Variants in ATP7B observed in about 807,000 individuals in gnomAD.
ATP7B encodes the protein copper-transporting ATPase 2.
A neutral mutation model predicts 118.9 loss-of-function variants in ATP7B; 113 were observed. The ratio of observed to expected loss-of-function variants is 0.95; its 90% confidence interval spans 0.82 to 1.11. The LOEUF (loss-of-function observed/expected upper bound fraction) is 1.11, where lower values mean the gene tolerates loss of function less well. Ranked by LOEUF, ATP7B falls within the 50% of genes most tolerant of loss-of-function variation. The pLI is 0.00. For synonymous variants in ATP7B, 777 were observed against 727.4 expected (o/e 1.07, Z -1.10); for missense variants, 1,867 against 1,871.4 (o/e 1.00, Z 0.04).
intron 12 of ATP7B, among the ~76,000 whole-genome samples, chr13:51,948,645 C>A (rs1027241302): frequency 1.3e-5 from 2 of 152,044 alleles, no homozygotes; most frequent in African/African-American, 4.8e-5. Flanking sequence ...TTAGCAGCAT[C>A]CCCCCAGTCA....
intron 1 of ATP7B, among the ~76,000 whole-genome samples, chr13:51,992,228 G>A (rs182804231): frequency 6.6e-6 from 1 of 152,090 alleles, no homozygotes; most frequent in Non-Finnish European, 1.5e-5. Context: ...CGGCCTTTCT[G>A]AACAACGTGC....
At position 51,968,465 on chromosome 13, in the gene ATP7B, G is replaced by A. The variant is rs138962570; in HGVS notation, c.1686C>T (p.Ser562=). Residue 562 remains serine (S), a synonymous_variant, in exon 4 of 21, where the codon TCC becomes TCT. Transcript: ENST00000242839. The stretch of plus-strand genomic sequence containing the variant: ...TTACTGTCAGCTCAATGTTGCCATC[G>A]GAGCCTGCGTAGTCCTCCATGACTG... ...EAAVMEDYAG[S]DGNIELTITG... The A allele has an allele frequency of 3.6e-5, 58 of 1,614,114 alleles. No homozygotes were observed. The Middle Eastern group carries it at 4.9e-4, about 14-fold the overall frequency.
chr13:51,960,556 C>T (rs1268954230), intron 6 of ATP7B, among the ~76,000 whole-genome samples: 1 of 152,166 alleles, frequency 6.6e-6, no homozygotes, highest in African/African-American at 2.4e-5. Context: ...TGAGGCCCAG[C>T]CCCTGCCTTC....
At chr13:51,975,191 T>A in intron 1 of ATP7B, 23 bp from the exon 2 acceptor site, 1 of 1,613,544 alleles carries the variant, frequency 6.2e-7, no homozygotes, top group Non-Finnish European at 8.5e-7. Context: ...GAAATAACAT[T>A]TTTTAACCTT....
At chr13:51,962,059 C>A (rs1468787043) in intron 5 of ATP7B, 146 bp from the exon 6 acceptor site, 11 of 669,322 alleles carry the variant, frequency 1.6e-5, no homozygotes, top group Non-Finnish European at 2.9e-5. Flanking sequence ...CTGCTTACAA[C>A]TTCTTTACCC....
intron 1 of ATP7B, among the ~76,000 whole-genome samples, chr13:51,992,281 T>C (rs1457285008): frequency 6.6e-6 from 1 of 152,232 alleles, no homozygotes; most frequent in Non-Finnish European, 1.5e-5. Context: ...TTAGCAGTTT[T>C]CCAATACTTT....
chr13:51,934,593 C>G lies in ATP7B; in HGVS notation c.*163G>C. On this transcript the variant is annotated 3_prime_UTR_variant, in exon 21 of 21. Coordinates refer to ENST00000242839, the MANE Select transcript of ATP7B (RefSeq NM_000053.4). The stretch of plus-strand genomic sequence containing the variant: ...CCTCTCCAGGCCAAGCCCAGCTGCA[C>G]CCAGACAAGGCCGCGTGCTGCAGGG... The G allele has an allele frequency of 8.3e-7, 1 of 1,211,184 alleles. No individual in the cohort carries two copies. Among genetic ancestry groups the G allele is most frequent in the Non-Finnish European group, 1.2e-6 (1 of 862,594 alleles). The allele number at this position is 1,211,184 out of a possible 1,614,324, so 75.0% of individuals were successfully genotyped here.
chr13:52,011,730 G>A (rs977363120), upstream of ATP7B, among the ~76,000 whole-genome samples: 3 of 152,368 alleles, frequency 2.0e-5, no homozygotes, highest in African/African-American at 7.2e-5. Flanking sequence ...CTGCCGTGCC[G>A]GCGCCGCAGG....
At chr13:52,003,155 C>T (rs970224955) in intron 1 of ATP7B, among the ~76,000 whole-genome samples, 1 of 152,200 alleles carries the variant, frequency 6.6e-6, no homozygotes, top group Admixed American at 6.5e-5. Flanking sequence ...ACTTTGCTAA[C>T]TGTTTGGCAC....
At chr13:51,944,918 G>A (rs1731565299) in intron 13 of ATP7B, among the ~76,000 whole-genome samples, 1 of 152,156 alleles carries the variant, frequency 6.6e-6, no homozygotes, top group Non-Finnish European at 1.5e-5. Context: ...GGCCAGTCGA[G>A]CCCTGAGCCC....
At position 52,011,416 on chromosome 13, in the gene ATP7B, G is replaced by A. The variant is rs1468445542; in HGVS notation, c.-79C>T. 56 of 1,594,238 alleles carry A rather than the reference G, an allele frequency of 3.5e-5. No homozygotes were observed. Among genetic ancestry groups the A allele is most frequent in the Non-Finnish European group, 4.6e-5 (53 of 1,163,256 alleles). On this transcript the variant is annotated 5_prime_UTR_variant, in exon 1 of 21. Coordinates refer to ENST00000242839, the MANE Select transcript of ATP7B (RefSeq NM_000053.4). ...CCTGGTCGGTGGAGGAGAGCGGGGT[G>A]TTAAAGTCCCGGGAGAGGAGGCGCA...
At chr13:51,969,460 G>T (rs1347149631) in intron 3 of ATP7B, among the ~76,000 whole-genome samples, 3 of 150,578 alleles carry the variant, frequency 2.0e-5, no homozygotes, top group African/African-American at 4.9e-5. Flanking sequence ...CTTTTCTCCA[G>T]ATACTTTCAT....
intron 13 of ATP7B, among the ~76,000 whole-genome samples, chr13:51,944,829 G>T (rs1032396052): frequency 7.2e-5 from 11 of 152,166 alleles, no homozygotes; most frequent in African/African-American, 2.2e-4. Flanking sequence ...TTAGTCAATG[G>T]CAGTCTGCAG....
rs188464661 is a variant in ATP7B, at chr13:51,986,285, A to G, written c.52-11117T>C. On this transcript the variant is annotated intron_variant, in intron 1 of 20. Coordinates refer to ENST00000242839, the MANE Select transcript of ATP7B (RefSeq NM_000053.4). ...ACTACCATCAGAGAATACTACAAAC[A>G]CCTCTAAGCAAATGAACTAGAAAAT... is the stretch of plus-strand genomic sequence containing the variant. Among the ~76,000 whole-genome samples, 335 of 152,322 alleles carry G rather than the reference A, an allele frequency of 2.2e-3. 4 individuals carry two copies. Among genetic ancestry groups the G allele is most frequent in the Non-Finnish European group, 3.9e-3 (268 of 68,038 alleles).
In ATP7B at chr13:51,944,107, A is replaced by G. The variant is rs1593671769; in HGVS notation, c.3243+2T>C. Reference sequence around the variant, plus strand: ...GGCAGGGCCACGCCCAAGTCCACGTACCTCTTTACAGTATTTGGTGACTGC... The same window carrying G: ...GGCAGGGCCACGCCCAAGTCCACGTGCCTCTTTACAGTATTTGGTGACTGC... On this transcript the variant is annotated splice_donor_variant, in intron 14 of 20. Transcript: ENST00000242839. LOFTEE classifies it high-confidence loss of function. The G allele has an allele frequency of 6.2e-7, 1 of 1,614,012 alleles. No homozygotes were observed. The highest frequency in any genetic ancestry group is 8.5e-7 in the Non-Finnish European group (1 of 1,179,970).
intron 4 of ATP7B, among the ~76,000 whole-genome samples, chr13:51,967,803 A>G (rs1318345296): frequency 6.6e-6 from 1 of 152,250 alleles, no homozygotes; most frequent in Non-Finnish European, 1.5e-5. Flanking sequence ...GAGCTGTACA[A>G]AAAGTACAGA....
At chr13:52,000,584 T>C (rs1953444430) in intron 1 of ATP7B, among the ~76,000 whole-genome samples, 1 of 152,244 alleles carries the variant, frequency 6.6e-6, no homozygotes, top group Non-Finnish European at 1.5e-5. Context: ...CGGTGTTTCA[T>C]ATGCATCGCA....
At chr13:51,935,136 T>A in intron 20 of ATP7B, 107 bp from the exon 21 acceptor site, 1 of 1,427,994 alleles carries the variant, frequency 7.0e-7, no homozygotes, top group Non-Finnish European at 9.5e-7. Context: ...ACATTCAGTA[T>A]CAAAACCTCA....
chr13:51,998,062 C>T (rs1286461828), intron 1 of ATP7B, among the ~76,000 whole-genome samples: 1 of 152,184 alleles, frequency 6.6e-6, no homozygotes. Flanking sequence ...CTTCCCTGCT[C>T]CTCCCCTTCC....
Sources: allele counts gnomAD v4.1 joint callset (sites outside exome capture counted in the v4.1 genomes callset), GRCh38; gene constraint gnomAD v4.1.1; transcripts MANE v1.5; gene names NCBI Gene and HGNC (gene_info 2026-07-23, HGNC 2026-07-21).